Variants in ARHGEF18 observed in about 807,000 individuals in gnomAD.
The protein encoded by ARHGEF18 is Rho/Rac guanine nucleotide exchange factor 18, also known as rho guanine nucleotide exchange factor 18.
Under a neutral mutation model 155.7 loss-of-function variants are expected in ARHGEF18, and 93 were observed. That is an observed-to-expected ratio of 0.60 (90% CI 0.50 to 0.71). ARHGEF18 has a LOEUF of 0.71. ARHGEF18 is among the 30% of genes least tolerant of loss of function. ARHGEF18 has a pLI of 0.00. For missense variants in ARHGEF18, 1,593 were observed against 1,816.1 expected (o/e 0.88, Z 2.23); for synonymous variants, 742 against 753.1 (o/e 0.99, Z 0.24).
Position 7,383,279 on chromosome 19 carries a change from T to C in ARHGEF18, c.967+76T>C, listed in dbSNP as rs1402460679. On this transcript the variant is annotated intron_variant, in intron 10 of 28. Transcript: ENST00000668164. ...CTTCACGTCCTTTCAATCATACTCC[T>C]GGGGTCTCTTTTGATGTGTGCATCC... 3.3e-6 allele frequency: 4 copies of C among 1,227,880 alleles called. No homozygotes were observed. In the African/African-American group the frequency reaches 4.7e-5, roughly 14 times the overall value. 76.1% of individuals were successfully genotyped at this position (1,227,880 alleles called of 1,614,324 possible). A position where few individuals can be genotyped will look rare whatever the true frequency, so the allele number is the denominator to read the frequency against.
chr19:7,418,479 T>A (rs1199303937), intron 10 of ARHGEF18, among the ~76,000 whole-genome samples: 1 of 151,430 alleles, frequency 6.6e-6, no homozygotes, highest in East Asian at 1.9e-4. Flanking sequence ...GGTCTCAAAC[T>A]CCTGGGCTCA....
At chr19:7,458,296 TTAAAAAAAAA>T (rs915070687) in intron 18 of ARHGEF18, among the ~76,000 whole-genome samples, 15 of 110,068 alleles carry the variant, frequency 1.4e-4, no homozygotes, top group Admixed American at 3.1e-4. Flanking sequence ...CCAAGATAGT[TTAAAAAAAAA>T]AAAAAAAAAA....
At chr19:7,380,351 C>T (rs1343645819) in intron 7 of ARHGEF18, among the ~76,000 whole-genome samples, 11 of 151,616 alleles carry the variant, frequency 7.3e-5, no homozygotes, top group South Asian at 2.1e-4. Flanking sequence ...TGGTGGCAGG[C>T]GCCTGTAGTC....
intron 10 of ARHGEF18, among the ~76,000 whole-genome samples, chr19:7,405,387 C>T (rs899436805): frequency 6.6e-6 from 1 of 152,166 alleles, no homozygotes; most frequent in Non-Finnish European, 1.5e-5. Context: ...GTCTCTAAAT[C>T]TCCCTCTCCT....
chr19:7,459,007 C>T (rs189778971), intron 19 of ARHGEF18, among the ~76,000 whole-genome samples: 1 of 152,138 alleles, frequency 6.6e-6, no homozygotes, highest in African/African-American at 2.4e-5. Context: ...GCCGAGCACC[C>T]CTCAGGGCCC....
intron 10 of ARHGEF18, among the ~76,000 whole-genome samples, chr19:7,409,752 T>TTTTC (rs1459213039): frequency 7.6e-6 from 1 of 132,266 alleles, no homozygotes; most frequent in East Asian, 2.2e-4. Context: ...TGTGAGGGGT[T>TTTTC]TTTCTTTCTT....
chr19:7,478,616 G>A, the ARHGEF18 span, among the ~76,000 whole-genome samples: 2 of 152,144 alleles, frequency 1.3e-5, no homozygotes, highest in East Asian at 3.9e-4. Context: ...TGGCCATCCA[G>A]GGCCTGGCCC....
Position 7,462,389 on chromosome 19 carries a change from G to T in ARHGEF18, c.2635+55G>T. The stretch of plus-strand genomic sequence containing the variant: ...CAGTCTTGCCGGGGTGGGCTCCTCA[G>T]GGAACCCCAGGCCAGGCTCACGGCT... On this transcript the variant is annotated intron_variant, in intron 21 of 28. Coordinates refer to ENST00000668164, the MANE Select transcript of ARHGEF18 (RefSeq NM_001367823.1). This position sits in a 1 kb window ranked among gnomAD's most constrained non-coding sequence, Gnocchi z 4.4. 1.3e-6 allele frequency: 2 copies of T among 1,500,670 alleles called. No homozygotes were observed. The highest frequency in any genetic ancestry group is 1.8e-6 in the Non-Finnish European group (2 of 1,127,512). 93.0% of individuals were successfully genotyped at this position (1,500,670 alleles called of 1,614,324 possible). A position where few individuals can be genotyped will look rare whatever the true frequency, so the allele number is the denominator to read the frequency against.
intron 3 of ARHGEF18, among the ~76,000 whole-genome samples, chr19:7,373,486 T>TTTTC (rs1568275369): frequency 1.6e-5 from 2 of 124,132 alleles, no homozygotes; most frequent in African/African-American, 1.0e-4. Context: ...TGTTTTTGTT[T>TTTTC]TTTTTTTGAG....
intron 10 of ARHGEF18, among the ~76,000 whole-genome samples, chr19:7,396,352 A>G (rs1358290347): frequency 1.3e-5 from 2 of 152,136 alleles, no homozygotes; most frequent in Non-Finnish European, 2.9e-5. Flanking sequence ...TCAGGACAGT[A>G]TAGACAGCCC....
chr19:7,467,604 C>T lies in ARHGEF18; in HGVS notation c.3400C>T (p.Arg1134Trp), dbSNP rs1470460415. 2 of 1,508,696 alleles carry T rather than the reference C, an allele frequency of 1.3e-6. No individual in the cohort carries two copies. The highest frequency in any genetic ancestry group is 1.8e-6 in the Non-Finnish European group (2 of 1,136,532). The allele number at this position is 1,508,696 out of a possible 1,614,324, so 93.5% of individuals were successfully genotyped here. Residue 1134 changes from arginine to tryptophan, a missense_variant, in exon 26 of 29, where the codon CGG becomes TGG. Coordinates refer to ENST00000668164, the MANE Select transcript of ARHGEF18 (RefSeq NM_001367823.1). ...REAQRAVERE[R>W]ERLELLRRLK... is the part of the protein sequence containing the mutation. ...GGCCCAGCGTGCCGTGGAGCGCGAG[C>T]GGGAGCGCCTGGAGCTGCTGCGCCG...
intron 1 of ARHGEF18, among the ~76,000 whole-genome samples, chr19:7,362,037 G>C (rs1969594475): frequency 1.2e-4 from 5 of 42,768 alleles, no homozygotes; most frequent in Admixed American, 1.0e-3. Flanking sequence ...AGGAGAAGGA[G>C]AAGGAGAAGG....
In ARHGEF18 at chr19:7,467,599, G is replaced by T. The variant is rs1339188136; in HGVS notation, c.3395G>T (p.Arg1132Leu). The T allele has an allele frequency of 2.0e-6, 3 of 1,508,514 alleles. No homozygotes were observed. Among genetic ancestry groups the T allele is most frequent in the Non-Finnish European group, 2.6e-6 (3 of 1,136,632 alleles). 93.4% of individuals were successfully genotyped at this position (1,508,514 alleles called of 1,614,324 possible). A position where few individuals can be genotyped will look rare whatever the true frequency, so the allele number is the denominator to read the frequency against. ...CGCGAGGCCCAGCGTGCCGTGGAGCGCGAGCGGGAGCGCCTGGAGCTGCTG... is the reference window on the plus strand; with the variant it reads ...CGCGAGGCCCAGCGTGCCGTGGAGCTCGAGCGGGAGCGCCTGGAGCTGCTG... The part of the protein sequence containing the change: ...RLREAQRAVE[R>L]ERERLELLRR... The change falls in exon 26 of 29, where the codon CGC becomes CTC. Residue 1132 changes from arginine (R) to leucine (L), a missense_variant. Arg to Leu is a moderately radical substitution (Grantham distance 102). Transcript: ENST00000668164.
rs936455171 is a variant in ARHGEF18, at chr19:7,395,250, G to A, written c.967+12047G>A. On this transcript the variant is annotated intron_variant, in intron 10 of 28. Transcript: ENST00000668164. The surrounding 1 kb of genome is among the most constrained non-coding windows in gnomAD (Gnocchi z 5.0). ...GGCCTGCGGGCGATCGGGCCGAGGT[G>A]AGGACGGCGGCGGGGCGGTCCCGAG... The A allele has an allele frequency of 4.0e-5, 39 of 986,398 alleles. No homozygotes were observed. The highest frequency in any genetic ancestry group is 4.7e-5 in the Non-Finnish European group (39 of 830,856). 61.1% of individuals were successfully genotyped at this position (986,398 alleles called of 1,614,324 possible). A position where few individuals can be genotyped will look rare whatever the true frequency, so the allele number is the denominator to read the frequency against.
At position 7,441,719 on chromosome 19, in the gene ARHGEF18, C is replaced by G; in HGVS notation, c.1173C>G (p.Asp391Glu). 6.2e-7 allele frequency: 1 copy of G among 1,614,190 alleles called. No individual in the cohort carries two copies. The highest frequency in any genetic ancestry group is 8.5e-7 in the Non-Finnish European group (1 of 1,180,026). The change falls in exon 12 of 29, where the codon GAC (aspartate) becomes GAG (glutamate). Residue 391 changes from aspartate to glutamate, a missense_variant. Coordinates refer to ENST00000668164, the MANE Select transcript of ARHGEF18 (RefSeq NM_001367823.1). ...TAAAATTTAAGCAGACAGCTGATGA[C>G]TCTCTGTCCCTTACATCTCCAAACA... The part of the protein sequence containing the change: ...AFLKFKQTAD[D>E]SLSLTSPNTE...
In ARHGEF18 at chr19:7,463,295, G is replaced by A. The variant is rs1976403784; in HGVS notation, c.2636-523G>A. 6.6e-6 allele frequency among the ~76,000 whole-genome samples: 1 copy of A among 152,118 alleles called. No homozygotes were observed. The highest frequency in any genetic ancestry group is 1.5e-5 in the Non-Finnish European group (1 of 68,026). On this transcript the variant is annotated intron_variant, in intron 21 of 28. Coordinates refer to ENST00000668164, the MANE Select transcript of ARHGEF18 (RefSeq NM_001367823.1). The surrounding 1 kb of genome is among the most constrained non-coding windows in gnomAD (Gnocchi z 5.2). Reference sequence around the variant, plus strand: ...TGGCCATTGTTCTTGGCCCCCTGGGGACACTCTCATATCCCGCACCTTGGC... The same window carrying A: ...TGGCCATTGTTCTTGGCCCCCTGGGAACACTCTCATATCCCGCACCTTGGC...
Position 7,460,001 on chromosome 19 carries a change from G to A in ARHGEF18, c.2452+7G>A, listed in dbSNP as rs200228591. 3.5e-4 allele frequency: 541 copies of A among 1,566,578 alleles called. No homozygotes were observed. In the African/African-American group the frequency reaches 5.6e-3, roughly 16 times the overall value. On this transcript the variant is annotated splice_region_variant and intron_variant, in intron 20 of 28. Transcript: ENST00000668164. ...AGACTCCGGGACTTTCAAGGTGAGC[G>A]GGAGACAGCGTCTGGGCACACCCCT...
At chr19:7,355,450 G>A (rs1207704603) in intron 1 of ARHGEF18, among the ~76,000 whole-genome samples, 1 of 152,218 alleles carries the variant, frequency 6.6e-6, no homozygotes. Context: ...TCAAACCAGG[G>A]GTCCCTGGGC....
intron 10 of ARHGEF18, among the ~76,000 whole-genome samples, chr19:7,430,228 G>A (rs1302121610): frequency 6.6e-6 from 1 of 152,014 alleles, no homozygotes; most frequent in Non-Finnish European, 1.5e-5. Context: ...AAGAAATGAA[G>A]GCCGGCTCTG....
Sources: allele counts gnomAD v4.1 joint callset (sites outside exome capture counted in the v4.1 genomes callset), GRCh38; gene constraint gnomAD v4.1.1; non-coding constraint Gnocchi (gnomAD v3.1); transcripts MANE v1.5; gene names NCBI Gene and HGNC (gene_info 2026-07-23, HGNC 2026-07-21).